The following XKR6 variants were observed in gnomAD, a reference collection of about 807,000 sequenced individuals.
XKR6 encodes the protein XK-related protein 6.
Under a neutral mutation model 56.7 loss-of-function variants are expected in XKR6, and 22 were observed. The ratio of observed to expected loss-of-function variants is 0.39; its 90% CI spans 0.28 to 0.55. XKR6 has a LOEUF of 0.55. Ranked by LOEUF, XKR6 falls within the 20% of genes least tolerant of loss-of-function variation. The pLI, the probability that XKR6 is intolerant of heterozygous loss-of-function variation, is 0.66. For synonymous variants in XKR6, 524 were observed against 387.8 expected, an observed-to-expected ratio of 1.35 and a Z score of -4.13; for missense variants, 852 against 889.0, an observed-to-expected ratio of 0.96 and a Z score of 0.53.
At chr8:10,944,057 G>A (rs1234418674) in intron 1 of XKR6, among the ~76,000 whole-genome samples, 1 of 152,062 alleles carries the variant, frequency 6.6e-6, no homozygotes, top group Non-Finnish European at 1.5e-5. Context: ...GAAGAGAGAA[G>A]CCTCTCCAGC....
chr8:11,036,413 T>C (rs892938956), intron 1 of XKR6, among the ~76,000 whole-genome samples: 1 of 152,222 alleles, frequency 6.6e-6, no homozygotes, highest in African/African-American at 2.4e-5. Flanking sequence ...ATATCTTCTC[T>C]GGTCAAAGAG....
intron 1 of XKR6, among the ~76,000 whole-genome samples, chr8:11,048,840 G>A (rs759376563): frequency 1.4e-4 from 22 of 152,240 alleles, no homozygotes; most frequent in East Asian, 1.2e-3. Context: ...CTGTCCTCTC[G>A]CTGGCCTCCC....
chr8:11,160,072 G>A (rs559020903), intron 1 of XKR6, among the ~76,000 whole-genome samples: 8 of 152,252 alleles, frequency 5.3e-5, no homozygotes, highest in Non-Finnish European at 1.2e-4. Flanking sequence ...TGGTTAAGAT[G>A]CATCATTATT....
At chr8:10,988,407 C>T (rs1378843762) in intron 1 of XKR6, among the ~76,000 whole-genome samples, 1 of 152,226 alleles carries the variant, frequency 6.6e-6, no homozygotes, top group Non-Finnish European at 1.5e-5. Context: ...GTCTCCTTTG[C>T]AACCTTTTGT....
chr8:11,173,830 C>G (rs1802509346), intron 1 of XKR6, among the ~76,000 whole-genome samples: 1 of 152,138 alleles, frequency 6.6e-6, no homozygotes, highest in African/African-American at 2.4e-5. Flanking sequence ...ATGTACCCAC[C>G]CACAAGTCAC....
At chr8:11,193,985 A>T (rs1803727383) in intron 1 of XKR6, among the ~76,000 whole-genome samples, 1 of 152,220 alleles carries the variant, frequency 6.6e-6, no homozygotes, top group Non-Finnish European at 1.5e-5. Context: ...AAATTTTAAC[A>T]TTAACTAATG....
intron 1 of XKR6, among the ~76,000 whole-genome samples, chr8:11,072,012 T>A (rs954744649): frequency 4.7e-5 from 7 of 147,880 alleles, no homozygotes; most frequent in Non-Finnish European, 1.0e-4. Flanking sequence ...AAACACCCAA[T>A]TTTTTTTAAC....
At chr8:11,000,622 T>C (rs547864494) in intron 1 of XKR6, among the ~76,000 whole-genome samples, 3 of 152,086 alleles carry the variant, frequency 2.0e-5, no homozygotes, top group African/African-American at 7.2e-5. Context: ...GAGGCAGAGA[T>C]TGCAGTGAGC....
At chr8:10,905,183 T>C (rs546486369) in intron 2 of XKR6, among the ~76,000 whole-genome samples, 1 of 152,226 alleles carries the variant, frequency 6.6e-6, no homozygotes, top group South Asian at 2.1e-4. Flanking sequence ...TCTCATCTTC[T>C]CCAAGCTTCC....
chr8:10,997,429 C>A (rs930189832), intron 1 of XKR6, among the ~76,000 whole-genome samples: 20 of 152,142 alleles, frequency 1.3e-4, no homozygotes, highest in African/African-American at 4.8e-4. Flanking sequence ...AGGATGTAAA[C>A]CCAGAGAGCA....
At chr8:10,974,292 T>C (rs866968409) in intron 1 of XKR6, among the ~76,000 whole-genome samples, 1 of 152,200 alleles carries the variant, frequency 6.6e-6, no homozygotes, top group African/African-American at 2.4e-5. Context: ...ATGCTGCACC[T>C]GAGAGGGCCT....
chr8:11,068,113 A>G (rs760037362), intron 1 of XKR6, among the ~76,000 whole-genome samples: 4 of 152,028 alleles, frequency 2.6e-5, no homozygotes, highest in Middle Eastern at 3.2e-3. Context: ...GGAAAAACTC[A>G]CCTTCAACAG....
intron 1 of XKR6, among the ~76,000 whole-genome samples, chr8:11,143,165 A>T (rs553340660): frequency 2.0e-5 from 3 of 152,328 alleles, no homozygotes; most frequent in Admixed American, 1.3e-4. Flanking sequence ...GGCACTGAGC[A>T]TCAATAGCTA....
intron 1 of XKR6, among the ~76,000 whole-genome samples, chr8:11,186,940 G>C (rs1212413666): frequency 6.6e-6 from 1 of 152,032 alleles, no homozygotes; most frequent in Non-Finnish European, 1.5e-5. Context: ...ACTTAATTTG[G>C]AAGTTCTCCC....
intron 1 of XKR6, among the ~76,000 whole-genome samples, chr8:11,059,013 A>C (rs7016760): frequency 6.6e-6 from 1 of 152,084 alleles, no homozygotes; most frequent in Non-Finnish European, 1.5e-5. Context: ...GAAGCTCAGA[A>C]AGTTGAAATA....
intron 1 of XKR6, among the ~76,000 whole-genome samples, chr8:10,951,664 C>T (rs142198828): frequency 1.3e-5 from 2 of 152,356 alleles, no homozygotes; most frequent in East Asian, 1.9e-4. Context: ...TGCAGAGTCT[C>T]ATCTTCCCCT....
At chr8:10,967,319 A>G (rs1270914925) in intron 1 of XKR6, among the ~76,000 whole-genome samples, 2 of 152,174 alleles carry the variant, frequency 1.3e-5, no homozygotes, top group African/African-American at 4.8e-5. Context: ...GCTTCACTGT[A>G]GGGGCGTGAT....
At chr8:10,902,295 T>A (rs1218563383) in intron 2 of XKR6, among the ~76,000 whole-genome samples, 1 of 152,194 alleles carries the variant, frequency 6.6e-6, no homozygotes, top group African/African-American at 2.4e-5. Flanking sequence ...CTCTGCTTCA[T>A]CTGTTCCTGA....
intron 1 of XKR6, among the ~76,000 whole-genome samples, chr8:10,961,622 C>G (rs547129544): frequency 6.6e-6 from 1 of 152,216 alleles, no homozygotes; most frequent in Non-Finnish European, 1.5e-5. Context: ...ACATGGGTGG[C>G]AAACACAGAC....
Sources: gnomAD v4.1 joint callset for allele counts (sites outside exome capture counted in the v4.1 genomes callset) on GRCh38, gnomAD v4.1.1 for gene constraint, MANE v1.5 for transcripts, NCBI Gene and HGNC (gene_info 2026-07-23, HGNC 2026-07-21) for gene names.